NXPH1: variants seen among roughly 807,000 people sequenced by gnomAD.
NXPH1 encodes neurexophilin 1, also known as neurexophilin-1.
NXPH1 carries 5 observed loss-of-function variants against 23.7 expected under a neutral mutation model. That is an observed-to-expected ratio of 0.21 (90% CI 0.11 to 0.44). NXPH1 has a LOEUF of 0.44. Among genes scored for constraint, NXPH1 ranks in the 20% least tolerant of loss-of-function variants. The pLI is 0.99. For missense variants in NXPH1, 324 were observed against 321.6 expected (o/e 1.01, Z -0.06); for synonymous variants, 144 against 122.2 (o/e 1.18, Z -1.18).
At chr7:8,512,939 T>G (rs1817633951) in intron 2 of NXPH1, among the ~76,000 whole-genome samples, 1 of 152,142 alleles carries the variant, frequency 6.6e-6, no homozygotes, top group Non-Finnish European at 1.5e-5. Context: ...TATGACACAC[T>G]GGATATATTA....
chr7:8,498,990 C>G (rs1817386368), intron 2 of NXPH1, among the ~76,000 whole-genome samples: 1 of 151,990 alleles, frequency 6.6e-6, no homozygotes. Context: ...ATTTGACATT[C>G]CAGGAGCTTG....
At chr7:8,647,599 A>C (rs1045410101) in intron 2 of NXPH1, among the ~76,000 whole-genome samples, 7 of 151,982 alleles carry the variant, frequency 4.6e-5, no homozygotes, top group Non-Finnish European at 1.5e-5. Flanking sequence ...TGGTTTTTAT[A>C]TCTCTAAATG....
chr7:8,443,802 C>A (rs914513968), intron 2 of NXPH1, among the ~76,000 whole-genome samples: 12 of 152,176 alleles, frequency 7.9e-5, no homozygotes, highest in African/African-American at 2.9e-4. Flanking sequence ...ATCATTAGAC[C>A]CGGGATGGAG....
intron 2 of NXPH1, among the ~76,000 whole-genome samples, chr7:8,559,814 T>C (rs1562402248): frequency 6.6e-6 from 1 of 151,702 alleles, no homozygotes; most frequent in East Asian, 2.0e-4. Flanking sequence ...AGAATGAGTC[T>C]TCATGATGTC....
chr7:8,636,864 TTAAC>T (rs56722835), intron 2 of NXPH1, among the ~76,000 whole-genome samples: 10,263 of 152,292 alleles, frequency 0.067, 510 homozygotes, highest in East Asian at 0.17. Flanking sequence ...TTGGATTTCT[TTAAC>T]TAGTGAAATG....
At chr7:8,623,458 A>T (rs1180012311) in intron 2 of NXPH1, among the ~76,000 whole-genome samples, 6 of 152,130 alleles carry the variant, frequency 3.9e-5, no homozygotes, top group African/African-American at 7.2e-5. Context: ...AACTGTCATG[A>T]AAACTAAATA....
At chr7:8,700,328 A>C (rs748695789) in intron 2 of NXPH1, among the ~76,000 whole-genome samples, 1 of 152,178 alleles carries the variant, frequency 6.6e-6, no homozygotes, top group Admixed American at 6.5e-5. Context: ...TTCCTTTTCT[A>C]AAATTAAATC....
At chr7:8,655,497 C>T (rs1820564955) in intron 2 of NXPH1, among the ~76,000 whole-genome samples, 1 of 15,710 alleles carries the variant, frequency 6.4e-5, no homozygotes, top group Non-Finnish European at 1.7e-4. Context: ...ATATGTCCAT[C>T]ACACGCACAC....
chr7:8,604,365 C>G (rs1819430859), intron 2 of NXPH1, among the ~76,000 whole-genome samples: 1 of 152,112 alleles, frequency 6.6e-6, no homozygotes, highest in Admixed American at 6.5e-5. Flanking sequence ...TGAATGTACT[C>G]TTTGAGTGGT....
intron 2 of NXPH1, among the ~76,000 whole-genome samples, chr7:8,498,909 G>C (rs538387786): frequency 6.6e-5 from 10 of 152,148 alleles, no homozygotes; most frequent in South Asian, 6.2e-4. Flanking sequence ...GCTTCCTTGA[G>C]AATTTGAGAA....
In NXPH1 at chr7:8,571,881, T is replaced by TA. The variant is rs5882176; in HGVS notation, c.54+136129dup. Among the ~76,000 whole-genome samples the TA allele has an allele frequency of 7.9e-3, 1,117 of 141,424 alleles. 6 individuals carry two copies. Among genetic ancestry groups the TA allele is most frequent in the East Asian group, 0.016 (78 of 4,766 alleles). The allele number at this position is 141,424 out of a possible 152,430, so 92.8% of individuals were successfully genotyped here. A position where few individuals can be genotyped will look rare whatever the true frequency, so the allele number is the denominator to read the frequency against. On this transcript the variant is annotated intron_variant, in intron 2 of 2. Coordinates refer to ENST00000405863, the MANE Select transcript of NXPH1 (RefSeq NM_152745.3). ...TTGGCATCATTGTTGGTGGACTTGT[T>TA]AAAAAAAAAAAAAAACACTTGGTTT...
chr7:8,464,615 C>A (rs1484134840), intron 2 of NXPH1, among the ~76,000 whole-genome samples: 2 of 152,256 alleles, frequency 1.3e-5, no homozygotes, highest in Non-Finnish European at 2.9e-5. Flanking sequence ...GATTTGAATT[C>A]TGTTTAGTTC....
chr7:8,615,024 G>A (rs534844534), intron 2 of NXPH1, among the ~76,000 whole-genome samples: 1 of 152,008 alleles, frequency 6.6e-6, no homozygotes, highest in Non-Finnish European at 1.5e-5. Context: ...ACTGTTAGTT[G>A]GCTCTGATTT....
At chr7:8,437,807 T>C (rs1402700953) in intron 2 of NXPH1, among the ~76,000 whole-genome samples, 2 of 152,214 alleles carry the variant, frequency 1.3e-5, no homozygotes, top group African/African-American at 4.8e-5. Flanking sequence ...CAATTACCGT[T>C]TAGTTACAGA....
chr7:8,542,200 A>G (rs986941341), intron 2 of NXPH1, among the ~76,000 whole-genome samples: 10 of 151,586 alleles, frequency 6.6e-5, no homozygotes, highest in African/African-American at 2.4e-4. Flanking sequence ...TTTAATATAA[A>G]AGTGGATCTG....
chr7:8,649,262 A>G (rs910339833), intron 2 of NXPH1, among the ~76,000 whole-genome samples: 3 of 152,074 alleles, frequency 2.0e-5, no homozygotes, highest in African/African-American at 7.2e-5. Flanking sequence ...TAATTTTGCT[A>G]TCTTATTTTG....
intron 2 of NXPH1, among the ~76,000 whole-genome samples, chr7:8,469,835 T>A (rs1273898821): frequency 6.6e-6 from 1 of 152,096 alleles, no homozygotes; most frequent in Non-Finnish European, 1.5e-5. Flanking sequence ...GCAACAATGT[T>A]TGTGAAATGT....
At chr7:8,604,050 T>C (rs1446486894) in intron 2 of NXPH1, among the ~76,000 whole-genome samples, 2 of 151,972 alleles carry the variant, frequency 1.3e-5, no homozygotes, top group African/African-American at 4.8e-5. Flanking sequence ...ATATCATCAG[T>C]GGTGTGCAAA....
At chr7:8,573,845 G>A (rs899413945) in intron 2 of NXPH1, among the ~76,000 whole-genome samples, 1 of 152,124 alleles carries the variant, frequency 6.6e-6, no homozygotes, top group Admixed American at 6.5e-5. Flanking sequence ...GATGTTTAAA[G>A]ACATCATTGA....
Sources: gnomAD v4.1 joint callset for allele counts (sites outside exome capture counted in the v4.1 genomes callset) on GRCh38, gnomAD v4.1.1 for gene constraint, MANE v1.5 for transcripts, NCBI Gene and HGNC (gene_info 2026-07-23, HGNC 2026-07-21) for gene names.